Variants in MAGI2 observed in about 807,000 individuals in gnomAD.
The protein encoded by MAGI2 is membrane associated guanylate kinase, WW and PDZ domain containing 2.
Under a neutral mutation model 133.3 loss-of-function variants are expected in MAGI2, and 35 were observed. That is an observed-to-expected ratio of 0.26 (90% CI 0.20 to 0.35). The LOEUF (loss-of-function observed/expected upper bound fraction) is 0.35, where lower values mean the gene tolerates loss of function less well. Ranked by LOEUF, MAGI2 falls within the 10% of genes least tolerant of loss-of-function variation. MAGI2 has a pLI of 1.00. For missense variants in MAGI2, 1,636 were observed against 1,863.4 expected, an observed-to-expected ratio of 0.88 and a Z score of 2.25; for synonymous variants, 729 against 710.6, an observed-to-expected ratio of 1.03 and a Z score of -0.41.
chr7:78,688,557 C>T lies in MAGI2; in HGVS notation c.419-61318G>A, dbSNP rs1467995446. On this transcript the variant is annotated intron_variant, in intron 2 of 21. Coordinates refer to ENST00000354212, the MANE Select transcript of MAGI2 (RefSeq NM_012301.4). ...GAAGAAGGGACCACAGAGTCTTGAC[C>T]TTTTATCTCTACTGAAAGGATCATT... Among the ~76,000 whole-genome samples the T allele has an allele frequency of 6.6e-5, 10 of 152,132 alleles. No individual in the cohort carries two copies. In the East Asian group the frequency reaches 1.7e-3, roughly 26 times the overall value.
intron 2 of MAGI2, among the ~76,000 whole-genome samples, chr7:78,788,711 G>GA (rs1324204599): frequency 6.6e-6 from 1 of 152,032 alleles, no homozygotes. Flanking sequence ...TTTATTCAGG[G>GA]ATTCTCTTTT....
rs869064064 is a variant in MAGI2 at position 79,135,938 on chromosome 7, C to CGAAA, written c.302-128736_302-128733dup. Among the ~76,000 whole-genome samples, 250 of 63,016 alleles carry CGAAA rather than the reference C, an allele frequency of 4.0e-3. 7 individuals carry two copies. The highest frequency in any genetic ancestry group is 0.012 in the African/African-American group (134 of 11,200). The allele number at this position is 63,016 out of a possible 152,430, so 41.3% of individuals were successfully genotyped here. On this transcript the variant is annotated intron_variant, in intron 1 of 21. Transcript: ENST00000354212. ...CTTGAGTGACAGAGTAAAATCCTCTCGAAAGAAAGAAAGAAAGAAAGAAAG... is the reference window on the plus strand; with the variant it reads ...CTTGAGTGACAGAGTAAAATCCTCTCGAAAGAAAGAAAGAAAGAAAGAAAGAAAG...
At chr7:79,265,738 A>C (rs1834410868) in intron 1 of MAGI2, among the ~76,000 whole-genome samples, 1 of 152,008 alleles carries the variant, frequency 6.6e-6, no homozygotes, top group African/African-American at 2.4e-5. Context: ...CTGGGAGGTG[A>C]ATTATTGGGC....
chr7:78,415,425 A>G (rs1289339939), intron 6 of MAGI2, among the ~76,000 whole-genome samples: 1 of 152,134 alleles, frequency 6.6e-6, no homozygotes, highest in Non-Finnish European at 1.5e-5. Context: ...AACTCTGAAT[A>G]CATAATATAC....
chr7:79,336,336 C>T (rs1174820719), intron 1 of MAGI2, among the ~76,000 whole-genome samples: 1 of 152,012 alleles, frequency 6.6e-6, no homozygotes, highest in Non-Finnish European at 1.5e-5. Flanking sequence ...AGCCCAAGCT[C>T]TTAAACATCA....
chr7:78,809,092 G>C (rs1222357613), intron 2 of MAGI2, among the ~76,000 whole-genome samples: 1 of 152,112 alleles, frequency 6.6e-6, no homozygotes, highest in Non-Finnish European at 1.5e-5. Context: ...ATTTGTCTTC[G>C]TTTGCAAGTG....
intron 1 of MAGI2, among the ~76,000 whole-genome samples, chr7:79,398,338 C>T (rs1180830900): frequency 6.6e-6 from 1 of 152,108 alleles, no homozygotes; most frequent in Non-Finnish European, 1.5e-5. Context: ...TTGTTTTGTT[C>T]CTTTAGTCTT....
intron 9 of MAGI2, among the ~76,000 whole-genome samples, chr7:78,306,793 A>T (rs1798274524): frequency 6.6e-6 from 1 of 152,164 alleles, no homozygotes; most frequent in Non-Finnish European, 1.5e-5. Context: ...GAGTCCTGAA[A>T]GTCATTGGTA....
chr7:78,524,276 G>A (rs1796764044), intron 3 of MAGI2, among the ~76,000 whole-genome samples: 1 of 152,184 alleles, frequency 6.6e-6, no homozygotes, highest in Admixed American at 6.5e-5. Flanking sequence ...AAGGGCCTTG[G>A]AATGCTGGCA....
At chr7:78,614,307 A>G (rs1317323013) in intron 3 of MAGI2, 1 of 151,570 alleles carries the variant, frequency 6.6e-6, no homozygotes, top group Non-Finnish European at 1.5e-5. Context: ...AAAAAAAAGA[A>G]GCAGAGAAAA....
At chr7:78,237,947 G>C (rs1242011756) in intron 10 of MAGI2, among the ~76,000 whole-genome samples, 1 of 152,066 alleles carries the variant, frequency 6.6e-6, no homozygotes, top group African/African-American at 2.4e-5. Context: ...GAGTGGTCAC[G>C]TTAGCTCAAA....
intron 6 of MAGI2, among the ~76,000 whole-genome samples, chr7:78,403,225 C>A (rs6967651): frequency 0.25 from 38,188 of 151,728 alleles, 5,049 homozygotes; most frequent in South Asian, 0.32. Context: ...TGTTCAATTC[C>A]CACCTATGAG....
chr7:79,001,456 T>C (rs1413995257), intron 2 of MAGI2, among the ~76,000 whole-genome samples: 3 of 152,216 alleles, frequency 2.0e-5, no homozygotes, highest in Non-Finnish European at 4.4e-5. Flanking sequence ...TTTGGTATAA[T>C]GGAAAATAGT....
chr7:78,907,281 G>A (rs1798061019), intron 2 of MAGI2, among the ~76,000 whole-genome samples: 2 of 152,170 alleles, frequency 1.3e-5, no homozygotes, highest in African/African-American at 4.8e-5. Context: ...AATACCAGAT[G>A]TTAAATCATT....
At chr7:78,195,494 T>C (rs1828640755) in intron 11 of MAGI2, among the ~76,000 whole-genome samples, 1 of 152,232 alleles carries the variant, frequency 6.6e-6, no homozygotes, top group Non-Finnish European at 1.5e-5. Context: ...GATACAGTCG[T>C]CTGCATATAC....
chr7:79,453,523 G>C lies in MAGI2; in HGVS notation c.-203C>G. 1 of 1,382,180 alleles carries C rather than the reference G, an allele frequency of 7.2e-7. No individual in the cohort carries two copies. Among genetic ancestry groups the C allele is most frequent in the Non-Finnish European group, 9.3e-7 (1 of 1,072,438 alleles). 85.6% of individuals were successfully genotyped at this position (1,382,180 alleles called of 1,614,324 possible). A position where few individuals can be genotyped will look rare whatever the true frequency, so the allele number is the denominator to read the frequency against. ...AGGATGAGAGGGACGGCTGGGCAGA[G>C]GTAGGAGAGCTTGGATGAGGTTGTG... is the stretch of plus-strand genomic sequence containing the variant. On this transcript the variant is annotated 5_prime_UTR_variant, in exon 1 of 22. Transcript: ENST00000354212.
At position 78,975,181 on chromosome 7, in the gene MAGI2, C is replaced by A. The variant is rs576966722; in HGVS notation, c.418+31909G>T. ...CGAATAGCACCACGAATCAGTTTAA[C>A]CTAATTGACATTTATACAATAGTCC... is the stretch of plus-strand genomic sequence containing the variant. On this transcript the variant is annotated intron_variant, in intron 2 of 21. Transcript: ENST00000354212. Among the ~76,000 whole-genome samples, 4 of 151,780 alleles carry A rather than the reference C, an allele frequency of 2.6e-5. No homozygotes were observed. The East Asian group carries it at 7.8e-4, about 30-fold the overall frequency.
At chr7:78,718,598 TC>T (rs1819952672) in intron 2 of MAGI2, among the ~76,000 whole-genome samples, 1 of 150,232 alleles carries the variant, frequency 6.7e-6, no homozygotes, top group African/African-American at 2.5e-5. Flanking sequence ...TGTGTCACTG[TC>T]CCCCATCACC....
chr7:78,899,555 A>T (rs1797453393), intron 2 of MAGI2, among the ~76,000 whole-genome samples: 1 of 152,192 alleles, frequency 6.6e-6, no homozygotes, highest in South Asian at 2.1e-4. Flanking sequence ...AGTCAACATA[A>T]GAGTACTTTC....
Sources: allele counts gnomAD v4.1 joint callset (sites outside exome capture counted in the v4.1 genomes callset), GRCh38; gene constraint gnomAD v4.1.1; transcripts MANE v1.5; gene names NCBI Gene and HGNC (gene_info 2026-07-23, HGNC 2026-07-21).